TMEM178B: variants seen among roughly 807,000 people sequenced by gnomAD.
TMEM178B encodes the protein transmembrane protein 178B.
A neutral mutation model predicts 31.0 loss-of-function variants in TMEM178B; 5 were observed. The observed-to-expected ratio is 0.16, with a 90% CI of 0.08 to 0.34. The LOEUF is 0.34. TMEM178B is among the 10% of genes least tolerant of loss of function. The pLI, the probability that TMEM178B is intolerant of heterozygous loss-of-function variation, is 1.00. For missense variants in TMEM178B, 275 were observed against 400.3 expected (o/e 0.69, Z 2.67); for synonymous variants, 164 against 164.0 (o/e 1.00, Z 0.00).
intron 2 of TMEM178B, among the ~76,000 whole-genome samples, chr7:141,367,070 A>G (rs115238903): frequency 0.088 from 10,135 of 115,194 alleles, 491 homozygotes; most frequent in African/African-American, 0.16. Flanking sequence ...ATTCAGGGGG[A>G]GCCACATGAC....
At chr7:141,217,993 G>C (rs1443835348) in intron 2 of TMEM178B, among the ~76,000 whole-genome samples, 1 of 151,946 alleles carries the variant, frequency 6.6e-6, no homozygotes, top group Non-Finnish European at 1.5e-5. Flanking sequence ...TAATTAGATT[G>C]GGTAGTCACA....
chr7:141,361,356 A>C (rs989896440), intron 2 of TMEM178B, among the ~76,000 whole-genome samples: 1 of 151,782 alleles, frequency 6.6e-6, no homozygotes, highest in Admixed American at 6.6e-5. Flanking sequence ...CTGTAAAACC[A>C]GTACTAAAAA....
chr7:141,487,737 G>A, the TMEM178B span, among the ~76,000 whole-genome samples: 39 of 80,878 alleles, frequency 4.8e-4, no homozygotes, highest in Middle Eastern at 0.013. Flanking sequence ...GTAAGACTCC[G>A]TCTCAAAAAA....
intron 2 of TMEM178B, among the ~76,000 whole-genome samples, chr7:141,324,316 G>A (rs570080619): frequency 6.6e-6 from 1 of 151,864 alleles, no homozygotes; most frequent in East Asian, 1.9e-4. Flanking sequence ...GTGACAGCAG[G>A]GAAGATGATG....
chr7:141,376,250 T>C (rs1204675264), intron 2 of TMEM178B, among the ~76,000 whole-genome samples: 2 of 152,200 alleles, frequency 1.3e-5, no homozygotes, highest in African/African-American at 4.8e-5. Flanking sequence ...ATTTAAAAAA[T>C]AGTTTTGCCA....
chr7:141,196,578 T>A (rs1313277584), intron 1 of TMEM178B, among the ~76,000 whole-genome samples: 2 of 152,224 alleles, frequency 1.3e-5, no homozygotes, highest in African/African-American at 2.4e-5. Context: ...TGGCTTGGAC[T>A]CATCAGGTTA....
intron 3 of TMEM178B, among the ~76,000 whole-genome samples, chr7:141,458,588 T>C (rs934896530): frequency 6.6e-6 from 1 of 152,146 alleles, no homozygotes. Context: ...TGAAGGAGAA[T>C]GGAGTGGGTG....
chr7:141,407,250 A>G (rs1800900252), intron 2 of TMEM178B, among the ~76,000 whole-genome samples: 1 of 152,238 alleles, frequency 6.6e-6, no homozygotes, highest in Non-Finnish European at 1.5e-5. Flanking sequence ...CCATGGGTGA[A>G]CTTTCTGACA....
intron 2 of TMEM178B, among the ~76,000 whole-genome samples, chr7:141,331,086 C>T (rs1799291529): frequency 6.6e-6 from 1 of 152,118 alleles, no homozygotes; most frequent in African/African-American, 2.4e-5. Flanking sequence ...AGGGGAAGTG[C>T]TGGGTGTTGA....
intron 2 of TMEM178B, among the ~76,000 whole-genome samples, chr7:141,421,397 G>T (rs1009826485): frequency 1.3e-5 from 2 of 152,058 alleles, no homozygotes; most frequent in African/African-American, 4.8e-5. Flanking sequence ...CCTCTGCCTC[G>T]TAGCATGGCA....
At chr7:141,170,904 C>T (rs897576122) in intron 1 of TMEM178B, among the ~76,000 whole-genome samples, 2 of 152,084 alleles carry the variant, frequency 1.3e-5, no homozygotes, top group East Asian at 1.9e-4. Flanking sequence ...AAGGCACAGT[C>T]GGCATTCCTC....
intron 1 of TMEM178B, among the ~76,000 whole-genome samples, chr7:141,088,597 C>T (rs1794826350): frequency 6.6e-6 from 1 of 152,138 alleles, no homozygotes. Context: ...GAGCATCTTG[C>T]CTATTGGATA....
chr7:141,080,668 T>C (rs1007806594), intron 1 of TMEM178B, among the ~76,000 whole-genome samples: 1 of 152,136 alleles, frequency 6.6e-6, no homozygotes, highest in Non-Finnish European at 1.5e-5. Context: ...ATGAATCGTG[T>C]AATATAGCAC....
At chr7:141,137,332 A>G (rs1342914209) in intron 1 of TMEM178B, among the ~76,000 whole-genome samples, 1 of 152,212 alleles carries the variant, frequency 6.6e-6, no homozygotes, top group Non-Finnish European at 1.5e-5. Context: ...CAACAGATGA[A>G]TAGATAAAGG....
intron 2 of TMEM178B, among the ~76,000 whole-genome samples, chr7:141,353,857 A>G (rs766101795): frequency 3.3e-5 from 5 of 152,380 alleles, no homozygotes; most frequent in Non-Finnish European, 2.9e-5. Context: ...TTTTAGTTAT[A>G]CTAATGGACA....
At position 141,344,575 on chromosome 7, in the gene TMEM178B, C is replaced by T. The variant is rs1160479271; in HGVS notation, c.497-93033C>T. Among the ~76,000 whole-genome samples, 1 of 7,542 alleles carries T rather than the reference C, an allele frequency of 1.3e-4. No individual in the cohort carries two copies. The highest frequency in any genetic ancestry group is 5.4e-4 in the African/African-American group (1 of 1,852). The allele number at this position is 7,542 out of a possible 152,430, so 4.9% of individuals were successfully genotyped here. ...TCCCTCCCTCCATTCCTCCCTCCTCCCTTCCTTCCTTCCTTCCTTCCTTCC... is the reference window on the plus strand; with the variant it reads ...TCCCTCCCTCCATTCCTCCCTCCTCTCTTCCTTCCTTCCTTCCTTCCTTCC... On this transcript the variant is annotated intron_variant, in intron 2 of 3. Coordinates refer to ENST00000565468, the MANE Select transcript of TMEM178B (RefSeq NM_001195278.2). The surrounding 1 kb of genome is among the most constrained non-coding windows in gnomAD (Gnocchi z 4.1).
intron 2 of TMEM178B, among the ~76,000 whole-genome samples, chr7:141,293,707 C>G (rs554756795): frequency 6.6e-6 from 1 of 152,300 alleles, no homozygotes; most frequent in East Asian, 1.9e-4. Context: ...GTTCTCTTTG[C>G]TTCTCTCTAA....
At chr7:141,259,719 G>T (rs527709556) in intron 2 of TMEM178B, among the ~76,000 whole-genome samples, 15 of 152,248 alleles carry the variant, frequency 9.9e-5, no homozygotes, top group African/African-American at 3.1e-4. Context: ...TTTTCTAGGG[G>T]TTGCTTCTAG....
chr7:141,461,038 G>T lies in TMEM178B; in HGVS notation c.635-9498G>T, dbSNP rs910243872. Among the ~76,000 whole-genome samples, 6 of 152,166 alleles carry T rather than the reference G, an allele frequency of 3.9e-5. No homozygotes were observed. The highest frequency in any genetic ancestry group is 2.0e-4 in the Admixed American group (3 of 15,274). On this transcript the variant is annotated intron_variant, in intron 3 of 3. Coordinates refer to ENST00000565468, the MANE Select transcript of TMEM178B (RefSeq NM_001195278.2). This position sits in a 1 kb window ranked among gnomAD's most constrained non-coding sequence, Gnocchi z 4.0. ...TAAAATGCTCTCGAGAGCTAAATGC[G>T]GCTGAAGCATTTAATCTAAGCAAAG...
Sources: allele counts gnomAD v4.1 joint callset (sites outside exome capture counted in the v4.1 genomes callset), GRCh38; gene constraint gnomAD v4.1.1; non-coding constraint Gnocchi (gnomAD v3.1); transcripts MANE v1.5; gene names NCBI Gene and HGNC (gene_info 2026-07-23, HGNC 2026-07-21).